The following ABI3BP variants were observed in gnomAD, a reference collection of about 807,000 sequenced individuals.
ABI3BP encodes the protein target of Nesh-SH3.
ABI3BP carries 216 observed loss-of-function variants against 268.6 expected under a neutral mutation model. The observed-to-expected ratio is 0.80, with a 90% CI of 0.72 to 0.90. ABI3BP has a LOEUF of 0.90. ABI3BP is among the 40% of genes least tolerant of loss of function. The pLI is 0.00. For missense variants in ABI3BP, 2,090 were observed against 2,182.4 expected (o/e 0.96, Z 0.84); for synonymous variants, 730 against 730.0 (o/e 1.00, Z 0.00).
At chr3:100,787,827 G>A in intron 56 of ABI3BP, 25 bp from the exon 57 acceptor site, 1 of 1,442,892 alleles carries the variant, frequency 6.9e-7, no homozygotes, top group Non-Finnish European at 9.1e-7. Context: ...GATATAAATA[G>A]TTCATTTTCT....
intron 51 of ABI3BP, among the ~76,000 whole-genome samples, chr3:100,804,319 G>A (rs1041119069): frequency 2.6e-5 from 4 of 152,106 alleles, no homozygotes; most frequent in Non-Finnish European, 5.9e-5. Flanking sequence ...CCCAAGATAT[G>A]TCTCCATCAA....
intron 11 of ABI3BP, 192 bp from the exon 12 acceptor site, chr3:100,864,268 T>C (rs1169720645): frequency 1.7e-6 from 1 of 578,284 alleles, no homozygotes; most frequent in Non-Finnish European, 3.1e-6. Flanking sequence ...CAAAGGGCAG[T>C]GGTGTGGCTG....
chr3:100,966,230 G>A (rs1330237050), intron 1 of ABI3BP, among the ~76,000 whole-genome samples: 2 of 152,208 alleles, frequency 1.3e-5, no homozygotes, highest in African/African-American at 4.8e-5. Context: ...ACAGGCAAGA[G>A]CTCTGTTATC....
chr3:100,940,937 T>C (rs2068886012), intron 1 of ABI3BP, among the ~76,000 whole-genome samples: 1 of 146,446 alleles, frequency 6.8e-6, no homozygotes, highest in African/African-American at 2.5e-5. Context: ...GGCATCCCTA[T>C]TTGTGTTCTA....
intron 59 of ABI3BP, among the ~76,000 whole-genome samples, chr3:100,777,830 C>A (rs563791533): frequency 1.3e-5 from 2 of 152,302 alleles, no homozygotes; most frequent in East Asian, 3.9e-4. Flanking sequence ...AGTCCCAGAT[C>A]TTCCCCTGAG....
intron 50 of ABI3BP, 48 bp downstream of exon 50, chr3:100,808,113 C>G: frequency 6.5e-7 from 1 of 1,527,948 alleles, no homozygotes; most frequent in African/African-American, 1.4e-5. Flanking sequence ...CTAGAATAAC[C>G]CCACTAACCT....
At chr3:100,871,138 T>C (rs912712391) in intron 9 of ABI3BP, among the ~76,000 whole-genome samples, 10 of 151,850 alleles carry the variant, frequency 6.6e-5, no homozygotes, top group African/African-American at 2.4e-4. Context: ...TATAATATTG[T>C]ATATTGGAAA....
intron 4 of ABI3BP, among the ~76,000 whole-genome samples, chr3:100,893,721 A>T (rs1035543495): frequency 2.0e-5 from 3 of 152,202 alleles, no homozygotes; most frequent in Admixed American, 1.3e-4. Context: ...CTTAGAATAC[A>T]TAACAGGATC....
At chr3:100,978,771 T>C (rs2087631307) in intron 1 of ABI3BP, among the ~76,000 whole-genome samples, 1 of 152,220 alleles carries the variant, frequency 6.6e-6, no homozygotes, top group Non-Finnish European at 1.5e-5. Context: ...TTCTTCAAAG[T>C]AGTACCCGAG....
intron 1 of ABI3BP, among the ~76,000 whole-genome samples, chr3:100,940,266 G>C (rs145845922): frequency 6.6e-6 from 1 of 152,152 alleles, no homozygotes; most frequent in Non-Finnish European, 1.5e-5. Context: ...GAAGTGATAA[G>C]TGTCCACGAA....
intron 49 of ABI3BP, 131 bp downstream of exon 49, chr3:100,810,281 A>G (rs1578515242): frequency 2.9e-6 from 2 of 692,530 alleles, no homozygotes; most frequent in East Asian, 5.5e-5. Flanking sequence ...GCAGGACATC[A>G]GACAGGTAGG....
chr3:100,850,713 T>C lies in ABI3BP; in HGVS notation c.1373A>G (p.Asp458Gly), dbSNP rs1343354378. Residue 458 changes from aspartate to glycine, a missense_variant, in exon 16 of 68, where the codon GAT becomes GGT. By Grantham distance (94) the Asp-to-Gly change is moderately conservative. Coordinates refer to ENST00000471714, the MANE Select transcript of ABI3BP (RefSeq NM_001375547.2). ...SYTATSDRIL[D>G]SIPPKTSRTL... ...TCTAGAAGTTTTAGGTGGGATAGAA[T>C]CCAGAATACGATCACTTGTTGCTGT... The C allele has an allele frequency of 6.2e-7, 1 of 1,612,918 alleles. No individual in the cohort carries two copies. Among genetic ancestry groups the C allele is most frequent in the Non-Finnish European group, 8.5e-7 (1 of 1,179,246 alleles).
Position 100,749,524 on chromosome 3 carries a change from G to GAGTT in ABI3BP, c.*967_*970dup, listed in dbSNP as rs3057219. The GAGTT allele has an allele frequency of 1.0e-3, 400 of 395,664 alleles. No homozygotes were observed. Among genetic ancestry groups the GAGTT allele is most frequent in the East Asian group, 0.01 (280 of 27,874 alleles). 24.5% of individuals were successfully genotyped at this position (395,664 alleles called of 1,614,324 possible). A position where few individuals can be genotyped will look rare whatever the true frequency, so the allele number is the denominator to read the frequency against. On this transcript the variant is annotated 3_prime_UTR_variant, in exon 68 of 68. Transcript: ENST00000471714. ...CAATACCTTTTTAATAGAAATAAAT[G>GAGTT]AGTTAGTTAGTTAGATTTTTATTAC...
At chr3:100,768,309 T>G (rs372909349) in intron 62 of ABI3BP, among the ~76,000 whole-genome samples, 4 of 152,064 alleles carry the variant, frequency 2.6e-5, no homozygotes, top group African/African-American at 2.4e-5. Context: ...AGGATGATCT[T>G]GATCTCCTGA....
chr3:100,818,499 A>G (rs1334478255), intron 41 of ABI3BP, 26 bp downstream of exon 41: 3 of 1,522,488 alleles, frequency 2.0e-6, no homozygotes, highest in Admixed American at 2.0e-5. Flanking sequence ...GAAAAGCACT[A>G]TTTGAAGGAC....
chr3:100,890,522 C>A (rs545760832), intron 4 of ABI3BP, among the ~76,000 whole-genome samples: 7 of 152,058 alleles, frequency 4.6e-5, no homozygotes, highest in Middle Eastern at 3.2e-3. Flanking sequence ...CGGACCTTCC[C>A]GAGTCTAAAA....
intron 2 of ABI3BP, among the ~76,000 whole-genome samples, chr3:100,923,969 T>G (rs1351240544): frequency 2.0e-5 from 3 of 152,124 alleles, no homozygotes; most frequent in African/African-American, 7.2e-5. Context: ...CCTCTTTTTG[T>G]GAGTCATTAG....
intron 1 of ABI3BP, among the ~76,000 whole-genome samples, chr3:100,979,174 C>A (rs2087882300): frequency 6.6e-6 from 1 of 152,152 alleles, no homozygotes; most frequent in South Asian, 2.1e-4. Context: ...GCTAGAGGAC[C>A]ACTGCGCTCA....
At chr3:100,985,998 G>A (rs1210994346) in intron 1 of ABI3BP, among the ~76,000 whole-genome samples, 2 of 152,196 alleles carry the variant, frequency 1.3e-5, no homozygotes, top group Non-Finnish European at 2.9e-5. Context: ...AACTTGTATG[G>A]TAAACCTGTG....
Sources: gnomAD v4.1 joint callset for allele counts (sites outside exome capture counted in the v4.1 genomes callset) on GRCh38, gnomAD v4.1.1 for gene constraint, MANE v1.5 for transcripts, NCBI Gene and HGNC (gene_info 2026-07-23, HGNC 2026-07-21) for gene names.